Variants in NTRK1 observed in about 807,000 individuals in gnomAD.
The protein encoded by NTRK1 is neurotrophic receptor tyrosine kinase 1.
In NTRK1, 62 loss-of-function variants were observed where a neutral mutation model predicts 86.8. That is an observed-to-expected ratio of 0.71 (90% CI 0.58 to 0.88). NTRK1 has a LOEUF of 0.88. NTRK1 is among the 40% of genes least tolerant of loss of function. The pLI is 0.00. For missense variants in NTRK1, 967 were observed against 1,078.4 expected, an observed-to-expected ratio of 0.90 and a Z score of 1.45; for synonymous variants, 469 against 456.6, an observed-to-expected ratio of 1.03 and a Z score of -0.35.
At chr1:156,828,834 G>A (rs780869447) in intron 1 of NTRK1, among the ~76,000 whole-genome samples, 1 of 152,222 alleles carries the variant, frequency 6.6e-6, no homozygotes, top group Non-Finnish European at 1.5e-5. Context: ...CTAAGTCATT[G>A]TACGTAGGAA....
intron 2 of NTRK1, chr1:156,849,571 G>T (rs1655133280): frequency 2.7e-6 from 2 of 741,266 alleles, no homozygotes; most frequent in South Asian, 1.7e-5. Context: ...GGGGAGAGGG[G>T]CACTCAGTGG....
At chr1:156,839,898 C>T (rs1654711771) in intron 1 of NTRK1, among the ~76,000 whole-genome samples, 1 of 152,112 alleles carries the variant, frequency 6.6e-6, no homozygotes, top group African/African-American at 2.4e-5. Context: ...GCCATGGCAA[C>T]CCTGGCTGCT....
In NTRK1 at chr1:156,861,053, G is replaced by A. The variant is rs2102879270; in HGVS notation, c.119G>A (p.Cys40Tyr). ...GGCGCCGCACCCTGCCCCGATGCCT[G>A]CTGCCCCCACGGCTCCTCGGGACTG... is the stretch of plus-strand genomic sequence containing the variant. ...SAGAAPCPDA[C>Y]CPHGSSGLRC... Residue 40 changes from cysteine (C) to tyrosine (Y), a missense_variant, in exon 1 of 17, where the codon TGC becomes TAC. Around this residue, in one of 2 missense-constraint regions of NTRK1, gnomAD observed 330 missense variants for 302.0 expected, o/e 1.09. Transcript: ENST00000524377. The A allele has an allele frequency of 6.4e-7, 1 of 1,562,062 alleles. No homozygotes were observed.
At chr1:156,825,877 G>A (rs1047075569) in intron 1 of NTRK1, among the ~76,000 whole-genome samples, 1 of 152,126 alleles carries the variant, frequency 6.6e-6, no homozygotes, top group Non-Finnish European at 1.5e-5. Context: ...CCTTATAACC[G>A]GCCCATGAAG....
intron 1 of NTRK1, among the ~76,000 whole-genome samples, chr1:156,827,619 ACTCCTGGGCTCAGTTGATC>A (rs984727407): frequency 4.6e-5 from 7 of 151,200 alleles, no homozygotes; most frequent in African/African-American, 1.7e-4. Flanking sequence ...CTGGTCTTGA[ACTCCTGGGCTCAGTTGATC>A]CTCCTGCTTC....
At chr1:156,862,658 A>G (rs923117283) in intron 1 of NTRK1, among the ~76,000 whole-genome samples, 1 of 151,722 alleles carries the variant, frequency 6.6e-6, no homozygotes, top group Non-Finnish European at 1.5e-5. Flanking sequence ...GAGATAATGG[A>G]CTCGAATAGA....
In NTRK1 at chr1:156,871,625, A is replaced by T; in HGVS notation, c.720A>T (p.Lys240Asn). Residue 240 changes from lysine (K) to asparagine (N), a missense_variant and splice_region_variant, in exon 7 of 17, where the codon AAA becomes AAT. Around this residue, in one of 2 missense-constraint regions of NTRK1, gnomAD observed 637 missense variants for 776.5 expected, o/e 0.82. Transcript: ENST00000524377. ...TELEQSATVM[K>N]SGGLPSLGLT... ...CCCCCCTCTCTTTCCTGATCTAGAA[A>T]TCTGGGGGTCTGCCATCCCTGGGGC... is the stretch of plus-strand genomic sequence containing the variant. 1 of 1,614,016 alleles carries T rather than the reference A, an allele frequency of 6.2e-7. No individual in the cohort carries two copies. The highest frequency in any genetic ancestry group is 8.5e-7 in the Non-Finnish European group (1 of 1,180,014).
intron 15 of NTRK1, 123 bp downstream of exon 15, chr1:156,879,485 G>A: frequency 4.5e-6 from 6 of 1,324,654 alleles, no homozygotes; most frequent in Non-Finnish European, 5.1e-6. Context: ...CACTGGCTCT[G>A]GTTTTCAACC....
rs747000102 is a variant in NTRK1 at position 156,876,405 on chromosome 1, G to A, written c.1638G>A (p.Leu546=). 8.1e-6 allele frequency: 13 copies of A among 1,613,820 alleles called. No homozygotes were observed. In the Admixed American group the frequency reaches 2.2e-4, roughly 27 times the overall value. ...TCCCTGCCGCTTCCATCCAGGCACTGAAGGAGGCGTCCGAGAGTGCTCGGC... is the reference window on the plus strand; with the variant it reads ...TCCCTGCCGCTTCCATCCAGGCACTAAAGGAGGCGTCCGAGAGTGCTCGGC... ...QDKMLVAVKA[L]KEASESARQD... Residue 546 remains leucine (L), a synonymous_variant, in exon 14 of 17, where the codon CTG becomes CTA. Coordinates refer to ENST00000524377, the MANE Select transcript of NTRK1 (RefSeq NM_002529.4).
At chr1:156,844,041 G>T in intron 2 of NTRK1, 1 of 658,638 alleles carries the variant, frequency 1.5e-6, no homozygotes, top group Non-Finnish European at 2.7e-6. Flanking sequence ...TTTCCTCTGT[G>T]CCACCGCAGG....
chr1:156,816,866 T>C, intron 1 of NTRK1: 1 of 590,250 alleles, frequency 1.7e-6, no homozygotes, highest in Non-Finnish European at 2.7e-6. Flanking sequence ...ACTCACGTCA[T>C]GGAAAGCCTT....
chr1:156,860,131 C>T (rs774284165), upstream of NTRK1, among the ~76,000 whole-genome samples: 17 of 152,256 alleles, frequency 1.1e-4, no homozygotes, highest in Non-Finnish European at 2.2e-4. Flanking sequence ...TGCCCCGGGG[C>T]CGGCGCTGGC....
intron 1 of NTRK1, among the ~76,000 whole-genome samples, chr1:156,832,723 G>A (rs1182965929): frequency 2.0e-5 from 3 of 152,196 alleles, no homozygotes; most frequent in African/African-American, 4.8e-5. Flanking sequence ...GCACTGGGGA[G>A]CCATTGAAGG....
intron 11 of NTRK1, 104 bp downstream of exon 11, chr1:156,875,112 T>G (rs2102913058): frequency 1.2e-6 from 1 of 866,794 alleles, no homozygotes; most frequent in Non-Finnish European, 2.0e-6. Flanking sequence ...ACATGGGAGT[T>G]CCAGGGCGTG....
intron 1 of NTRK1, among the ~76,000 whole-genome samples, chr1:156,836,335 A>T (rs1170838241): frequency 5.3e-5 from 8 of 152,194 alleles, no homozygotes; most frequent in African/African-American, 1.9e-4. Flanking sequence ...GTGCATAGGG[A>T]CGTTTCTGAG....
intron 12 of NTRK1, 34 bp downstream of exon 12, chr1:156,875,700 AGTGTGTGT>A (rs56185968): frequency 2.3e-4 from 317 of 1,386,662 alleles, no homozygotes; most frequent in African/African-American, 3.0e-4. Flanking sequence ...GGCAGGGACG[AGTGTGTGT>A]GTGTGTGTGT....
chr1:156,826,131 G>A (rs148886734), intron 1 of NTRK1, among the ~76,000 whole-genome samples: 1 of 152,202 alleles, frequency 6.6e-6, no homozygotes, highest in African/African-American at 2.4e-5. Flanking sequence ...AAAGACACCT[G>A]AGGAGAAAGG....
At chr1:156,849,161 G>A (rs1655115034) in intron 2 of NTRK1, 2 of 1,598,586 alleles carry the variant, frequency 1.3e-6, no homozygotes, top group Non-Finnish European at 8.5e-7. Context: ...TTCTCAGAGT[G>A]TCCCCCTCGA....
chr1:156,833,229 T>C (rs2102843884), intron 1 of NTRK1, among the ~76,000 whole-genome samples: 1 of 152,362 alleles, frequency 6.6e-6, no homozygotes, highest in South Asian at 2.1e-4. Context: ...ATGTCAGCAA[T>C]AGTGTGAGCT....
Sources: gnomAD v4.1 joint callset for allele counts (sites outside exome capture counted in the v4.1 genomes callset) on GRCh38, gnomAD v4.1.1 for gene constraint, gnomAD v4.1.1 regional missense constraint, MANE v1.5 for transcripts, NCBI Gene and HGNC (gene_info 2026-07-23, HGNC 2026-07-21) for gene names.